Variants in RABGAP1 observed in about 807,000 individuals in gnomAD.
RABGAP1 encodes rab GTPase-activating protein 1.
A neutral mutation model predicts 137.6 loss-of-function variants in RABGAP1; 23 were observed. The ratio of observed to expected loss-of-function variants is 0.17; its 90% CI spans 0.12 to 0.24. The LOEUF (loss-of-function observed/expected upper bound fraction) is 0.24, where lower values mean the gene tolerates loss of function less well. Ranked by LOEUF, RABGAP1 falls within the 10% of genes least tolerant of loss-of-function variation. The probability of loss-of-function intolerance (pLI) is 1.00; values close to 1 mark genes in which losing one functional copy is unlikely to be tolerated. For synonymous variants in RABGAP1, 451 were observed against 450.7 expected, an observed-to-expected ratio of 1.00 and a Z score of -0.01; for missense variants, 906 against 1,275.8, an observed-to-expected ratio of 0.71 and a Z score of 4.42.
chr9:123,018,353 A>G (rs553910050), intron 12 of RABGAP1, among the ~76,000 whole-genome samples: 3 of 152,356 alleles, frequency 2.0e-5, no homozygotes, highest in African/African-American at 4.8e-5. Flanking sequence ...AAGTAATTTT[A>G]TCAATGTAAA....
chr9:122,989,092 C>G (rs1050338401), intron 4 of RABGAP1, among the ~76,000 whole-genome samples: 1 of 152,052 alleles, frequency 6.6e-6, no homozygotes, highest in Non-Finnish European at 1.5e-5. Flanking sequence ...AAACATGATA[C>G]TATATGGTTT....
chr9:122,932,941 G>A, the RABGAP1 span, among the ~76,000 whole-genome samples: 2 of 152,194 alleles, frequency 1.3e-5, no homozygotes, highest in South Asian at 2.1e-4. Flanking sequence ...TGTGTGGTCC[G>A]AGAAGATACT....
intron 10 of RABGAP1, among the ~76,000 whole-genome samples, chr9:123,007,553 ATTTTTTTTT>A (rs34448685): frequency 1.9e-5 from 2 of 104,516 alleles, no homozygotes; most frequent in Non-Finnish European, 1.8e-5. Flanking sequence ...AAGTTTTTGT[ATTTTTTTTT>A]TTTTTTTTTT....
At chr9:123,096,829 C>CA (rs1355498785) in intron 21 of RABGAP1, among the ~76,000 whole-genome samples, 1 of 152,236 alleles carries the variant, frequency 6.6e-6, no homozygotes, top group African/African-American at 2.4e-5. Flanking sequence ...CTTGGCCTCC[C>CA]AAAGTGCTGG....
intron 2 of RABGAP1, 123 bp from the exon 3 acceptor site, chr9:122,984,362 C>A (rs1836251415): frequency 1.2e-6 from 1 of 812,692 alleles, no homozygotes; most frequent in Non-Finnish European, 1.9e-6. Context: ...TTAAAAAAAA[C>A]ATTCAGAAGA....
At chr9:123,044,605 GA>G (rs1218767314) in intron 13 of RABGAP1, among the ~76,000 whole-genome samples, 1 of 149,930 alleles carries the variant, frequency 6.7e-6, no homozygotes, top group East Asian at 1.9e-4. Flanking sequence ...TCGTGGGAAG[GA>G]ATATAGGAAA....
At chr9:123,017,736 T>C (rs1480983681) in intron 12 of RABGAP1, among the ~76,000 whole-genome samples, 2 of 152,232 alleles carry the variant, frequency 1.3e-5, no homozygotes, top group Admixed American at 6.5e-5. Flanking sequence ...GTTGTAGTTA[T>C]AGTAACATAG....
intron 4 of RABGAP1, among the ~76,000 whole-genome samples, chr9:122,987,339 T>TA (rs1054058652): frequency 4.6e-5 from 7 of 152,152 alleles, no homozygotes; most frequent in Admixed American, 2.0e-4. Context: ...CATGCTTATT[T>TA]AAAAAAATTG....
At chr9:122,943,034 CA>C (rs75317911) in intron 1 of RABGAP1, among the ~76,000 whole-genome samples, 11,049 of 145,432 alleles carry the variant, frequency 0.076, 1,512 homozygotes, top group East Asian at 0.61. Context: ...AAAAAAACAA[CA>C]AAAAATCTGA....
At chr9:122,950,179 A>G (rs1407189927) in intron 1 of RABGAP1, among the ~76,000 whole-genome samples, 2 of 152,136 alleles carry the variant, frequency 1.3e-5, no homozygotes, top group Admixed American at 6.5e-5. Context: ...ATGACTAGGA[A>G]GAGTCTAGAA....
At chr9:123,000,119 G>C (rs952274159) in intron 10 of RABGAP1, among the ~76,000 whole-genome samples, 1 of 151,370 alleles carries the variant, frequency 6.6e-6, no homozygotes, top group African/African-American at 2.4e-5. Flanking sequence ...TTAGAATTTT[G>C]CCTGCTAATT....
Position 123,076,726 on chromosome 9 carries a change from T to A in RABGAP1, c.2388T>A (p.Asn796Lys). 6.2e-7 allele frequency: 1 copy of A among 1,603,416 alleles called. No homozygotes were observed. The highest frequency in any genetic ancestry group is 8.5e-7 in the Non-Finnish European group (1 of 1,174,920). ...CTAAGAGATACCGCTCAGAAGAAAA[T>A]GCAAAAAAACTAATGGAATTAGCCT... ...QLPKRYRSEE[N>K]AKKLMELACN... is the part of the protein sequence containing the mutation. The change falls in exon 19 of 26, where the codon AAT becomes AAA. Residue 796 changes from asparagine (N) to lysine (K), a missense_variant. Asn to Lys is a moderately conservative substitution (Grantham distance 94). Around this residue, in one of 9 missense-constraint regions of RABGAP1, gnomAD observed 77 missense variants for 105.6 expected, o/e 0.73. Transcript: ENST00000373647.
intron 13 of RABGAP1, among the ~76,000 whole-genome samples, chr9:123,023,462 C>T (rs975500184): frequency 5.3e-5 from 8 of 152,278 alleles, no homozygotes; most frequent in South Asian, 4.1e-4. Flanking sequence ...GGATTACAGA[C>T]GTGAGCCACC....
intron 2 of RABGAP1, among the ~76,000 whole-genome samples, chr9:122,964,924 AGGT>A (rs1244090390): frequency 6.6e-6 from 1 of 152,184 alleles, no homozygotes; most frequent in African/African-American, 2.4e-5. Flanking sequence ...TGAGCCAGAG[AGGT>A]CAAGGCTGCA....
intron 5 of RABGAP1, 175 bp from the exon 6 acceptor site, chr9:122,989,881 T>C (rs1836576217): frequency 1.5e-6 from 1 of 655,928 alleles, no homozygotes; most frequent in Non-Finnish European, 2.5e-6. Context: ...AAACCCCTTG[T>C]CTGGACATTT....
At chr9:122,948,043 AC>A (rs1237597362) in intron 1 of RABGAP1, among the ~76,000 whole-genome samples, 29 of 2,398 alleles carry the variant, frequency 0.012, no homozygotes, top group African/African-American at 0.013. Flanking sequence ...AGCCAGGAAA[AC>A]ACACACACAC....
At chr9:122,958,220 C>T (rs1341719476) in intron 2 of RABGAP1, among the ~76,000 whole-genome samples, 2 of 152,162 alleles carry the variant, frequency 1.3e-5, no homozygotes, top group Non-Finnish European at 2.9e-5. Context: ...ACCATCTGGC[C>T]ACCTTGGCAT....
At chr9:123,023,882 A>AT (rs796563886) in intron 13 of RABGAP1, among the ~76,000 whole-genome samples, 1,582 of 150,156 alleles carry the variant, frequency 0.011, 29 homozygotes, top group African/African-American at 0.035. Context: ...TTACTTTGAG[A>AT]TTTTTTTTTT....
intron 2 of RABGAP1, among the ~76,000 whole-genome samples, chr9:122,978,055 A>G (rs10985846): frequency 0.067 from 10,158 of 152,208 alleles, 399 homozygotes; most frequent in African/African-American, 0.083. Context: ...ATAAAATGCA[A>G]CCCTCTTAGT....
Sources: gnomAD v4.1 joint callset for allele counts (sites outside exome capture counted in the v4.1 genomes callset) on GRCh38, gnomAD v4.1.1 for gene constraint, gnomAD v4.1.1 regional missense constraint, MANE v1.5 for transcripts, NCBI Gene and HGNC (gene_info 2026-07-23, HGNC 2026-07-21) for gene names.